The following COL8A1 variants were observed in gnomAD, a reference collection of about 807,000 sequenced individuals.
COL8A1 encodes collagen alpha-1(VIII) chain.
A neutral mutation model predicts 42.7 loss-of-function variants in COL8A1; 21 were observed. The observed-to-expected ratio is 0.49, with a 90% confidence interval of 0.35 to 0.71. The LOEUF (loss-of-function observed/expected upper bound fraction) is 0.71, where lower values mean the gene tolerates loss of function less well. Ranked by LOEUF, COL8A1 falls within the 30% of genes least tolerant of loss-of-function variation. COL8A1 has a pLI of 0.01. For missense variants in COL8A1, 788 were observed against 962.4 expected, an observed-to-expected ratio of 0.82 and a Z score of 2.40; for synonymous variants, 367 against 369.1, an observed-to-expected ratio of 0.99 and a Z score of 0.06.
intron 1 of COL8A1, among the ~76,000 whole-genome samples, chr3:99,669,325 T>C (rs1938472469): frequency 6.6e-6 from 1 of 151,920 alleles, no homozygotes; most frequent in Non-Finnish European, 1.5e-5. Context: ...AAGGAGGTTG[T>C]CATTTGAGTT....
At chr3:99,746,093 G>A (rs1372049050) in intron 2 of COL8A1, among the ~76,000 whole-genome samples, 3 of 152,118 alleles carry the variant, frequency 2.0e-5, no homozygotes, top group Non-Finnish European at 4.4e-5. Context: ...TGAACGAAAG[G>A]AAAAGCACAG....
At chr3:99,645,562 A>C (rs918607979) in intron 1 of COL8A1, among the ~76,000 whole-genome samples, 2 of 152,142 alleles carry the variant, frequency 1.3e-5, no homozygotes, top group Non-Finnish European at 1.5e-5. Context: ...TGGGTGTCTC[A>C]ATAGAAACTG....
At chr3:99,737,335 C>A (rs561482041) in intron 1 of COL8A1, among the ~76,000 whole-genome samples, 1 of 152,010 alleles carries the variant, frequency 6.6e-6, no homozygotes, top group East Asian at 1.9e-4. Context: ...ATGGTCTTTA[C>A]ATTTTGGCAT....
chr3:99,684,763 T>C (rs1400396890), intron 1 of COL8A1, among the ~76,000 whole-genome samples: 1 of 152,168 alleles, frequency 6.6e-6, no homozygotes, highest in Non-Finnish European at 1.5e-5. Context: ...ATTACCTAAT[T>C]GCAAAAAGTT....
intron 1 of COL8A1, among the ~76,000 whole-genome samples, chr3:99,695,588 C>A (rs1451087791): frequency 6.6e-6 from 1 of 152,066 alleles, no homozygotes; most frequent in Non-Finnish European, 1.5e-5. Context: ...CTCTTACTCT[C>A]TCTCTCTCTC....
At chr3:99,671,938 A>T (rs1237917955) in intron 1 of COL8A1, among the ~76,000 whole-genome samples, 1 of 152,092 alleles carries the variant, frequency 6.6e-6, no homozygotes. Flanking sequence ...CAAGTATTCA[A>T]TTATGTAGAA....
At chr3:99,761,747 A>AG (rs1191320342) in intron 2 of COL8A1, among the ~76,000 whole-genome samples, 4 of 152,178 alleles carry the variant, frequency 2.6e-5, no homozygotes, top group African/African-American at 9.7e-5. Flanking sequence ...GGCTTTAGAT[A>AG]TCTAGAGAAA....
Position 99,780,445 on chromosome 3 carries a change from C to T in COL8A1, c.-3-10235C>T, listed in dbSNP as rs530393363. 2.6e-5 allele frequency among the ~76,000 whole-genome samples: 4 copies of T among 152,288 alleles called. No homozygotes were observed. In the South Asian group the frequency reaches 8.3e-4, roughly 32 times the overall value. On this transcript the variant is annotated intron_variant, in intron 2 of 3. Coordinates refer to ENST00000652472, the MANE Select transcript of COL8A1 (RefSeq NM_020351.4). ...CACTGGGCTTCTACAACCCCCAAAC[C>T]CCATCTAATTCACTCCCTTCATTTT...
At chr3:99,673,179 T>C (rs970015226) in intron 1 of COL8A1, among the ~76,000 whole-genome samples, 1 of 152,078 alleles carries the variant, frequency 6.6e-6, no homozygotes, top group Non-Finnish European at 1.5e-5. Flanking sequence ...TTGTGGATTT[T>C]TTTTTAACAA....
At chr3:99,650,109 G>T (rs985396119) in intron 1 of COL8A1, among the ~76,000 whole-genome samples, 1 of 152,066 alleles carries the variant, frequency 6.6e-6, no homozygotes, top group African/African-American at 2.4e-5. Context: ...AATTAAATCT[G>T]ATGGGCTACT....
At chr3:99,712,162 T>G (rs1939855338) in intron 1 of COL8A1, among the ~76,000 whole-genome samples, 1 of 152,162 alleles carries the variant, frequency 6.6e-6, no homozygotes, top group Non-Finnish European at 1.5e-5. Flanking sequence ...GAAACCAAAA[T>G]CAGGTGTTAT....
intron 2 of COL8A1, among the ~76,000 whole-genome samples, chr3:99,789,530 G>C (rs1321269181): frequency 1.3e-5 from 2 of 152,172 alleles, no homozygotes; most frequent in Non-Finnish European, 2.9e-5. Context: ...ATATTGAACA[G>C]ACCTAAGTGT....
chr3:99,743,085 G>A (rs979149671), intron 1 of COL8A1, among the ~76,000 whole-genome samples: 3 of 152,040 alleles, frequency 2.0e-5, no homozygotes, highest in South Asian at 2.1e-4. Context: ...TTACTTATAG[G>A]CCTTTTCCTG....
intron 1 of COL8A1, among the ~76,000 whole-genome samples, chr3:99,671,444 A>G (rs1252788848): frequency 6.6e-6 from 1 of 152,078 alleles, no homozygotes; most frequent in Admixed American, 6.6e-5. Context: ...CAAGCTACTT[A>G]ACATATTCAT....
intron 2 of COL8A1, among the ~76,000 whole-genome samples, chr3:99,773,835 ATATTTTTTTT>A (rs1941634956): frequency 1.4e-5 from 1 of 70,364 alleles, no homozygotes; most frequent in Non-Finnish European, 2.6e-5. Context: ...ATATATATAT[ATATTTTTTTT>A]TTTTTTTTTT....
At chr3:99,738,514 G>T (rs1313781690) in intron 1 of COL8A1, among the ~76,000 whole-genome samples, 1 of 152,228 alleles carries the variant, frequency 6.6e-6, no homozygotes, top group African/African-American at 2.4e-5. Flanking sequence ...CCTGCTGGGG[G>T]TGCCTCCTAG....
chr3:99,738,486 G>A lies in COL8A1; in HGVS notation c.-128-6411G>A, dbSNP rs571726227. Among the ~76,000 whole-genome samples, 552 of 152,332 alleles carry A rather than the reference G, an allele frequency of 3.6e-3. 6 individuals carry two copies. Among genetic ancestry groups the A allele is most frequent in the African/African-American group, 0.013 (531 of 41,582 alleles). ...CAGGTCTGTTGGAATACGCTGCCGT[G>A]TGAGGTGTCAGTGTGCCCCTGCTGG... On this transcript the variant is annotated intron_variant, in intron 1 of 3. Transcript: ENST00000652472.
At chr3:99,700,446 A>G (rs1367311254) in intron 1 of COL8A1, among the ~76,000 whole-genome samples, 2 of 151,988 alleles carry the variant, frequency 1.3e-5, no homozygotes, top group Non-Finnish European at 2.9e-5. Flanking sequence ...ATGCACCCTC[A>G]CGCTCTTCTG....
intron 2 of COL8A1, among the ~76,000 whole-genome samples, chr3:99,754,758 T>C (rs1296311370): frequency 2.0e-5 from 3 of 152,192 alleles, no homozygotes; most frequent in Non-Finnish European, 4.4e-5. Context: ...AGAGATCTTC[T>C]TGGATTTAAA....
Sources: gnomAD v4.1 joint callset for allele counts (sites outside exome capture counted in the v4.1 genomes callset) on GRCh38, gnomAD v4.1.1 for gene constraint, MANE v1.5 for transcripts, NCBI Gene and HGNC (gene_info 2026-07-23, HGNC 2026-07-21) for gene names.